CDH13: variants seen among roughly 807,000 people sequenced by gnomAD.
CDH13 encodes cadherin-13.
In CDH13, 24 loss-of-function variants were observed where a neutral mutation model predicts 63.8. The ratio of observed to expected loss-of-function variants is 0.38; its 90% confidence interval spans 0.27 to 0.53. The LOEUF (loss-of-function observed/expected upper bound fraction) is 0.53. Ranked by LOEUF, CDH13 falls within the 20% of genes least tolerant of loss-of-function variation. The pLI, the probability that CDH13 is intolerant of heterozygous loss-of-function variation, is 0.85. For synonymous variants in CDH13, 503 were observed against 355.3 expected (o/e 1.42, Z -4.67); for missense variants, 1,049 against 903.1 (o/e 1.16, Z -2.07).
intron 1 of CDH13, among the ~76,000 whole-genome samples, chr16:82,709,559 A>G (rs576568763): frequency 1.3e-5 from 2 of 152,328 alleles, no homozygotes; most frequent in Admixed American, 6.5e-5. Context: ...AAGTGTGGAT[A>G]ACACTAATAG....
At chr16:82,717,727 C>G (rs2032482055) in intron 1 of CDH13, among the ~76,000 whole-genome samples, 1 of 152,200 alleles carries the variant, frequency 6.6e-6, no homozygotes, top group Non-Finnish European at 1.5e-5. Context: ...AAAATAATCT[C>G]TTCATTTGGA....
intron 2 of CDH13, among the ~76,000 whole-genome samples, chr16:82,896,145 G>A (rs1329798453): frequency 1.3e-5 from 2 of 152,074 alleles, no homozygotes; most frequent in South Asian, 2.1e-4. Context: ...TTTCCCTGTA[G>A]AAGTATAGGC....
At chr16:83,361,098 T>C (rs988355377) in intron 6 of CDH13, among the ~76,000 whole-genome samples, 1 of 152,220 alleles carries the variant, frequency 6.6e-6, no homozygotes, top group African/African-American at 2.4e-5. Context: ...CATCAGCATC[T>C]GTTGCTTTTT....
chr16:83,143,982 C>T (rs375480050), intron 4 of CDH13, among the ~76,000 whole-genome samples: 2 of 152,116 alleles, frequency 1.3e-5, no homozygotes, highest in South Asian at 4.1e-4. Context: ...CTGCTGGTTA[C>T]CAGCTGTTTA....
At chr16:82,948,999 C>G (rs1670799533) in intron 2 of CDH13, among the ~76,000 whole-genome samples, 1 of 152,156 alleles carries the variant, frequency 6.6e-6, no homozygotes, top group African/African-American at 2.4e-5. Context: ...TCTTTCAACT[C>G]TACATTGTGA....
At chr16:82,699,503 C>T (rs114711241) in intron 1 of CDH13, among the ~76,000 whole-genome samples, 86 of 152,352 alleles carry the variant, frequency 5.6e-4, no homozygotes, top group African/African-American at 2.0e-3. Flanking sequence ...CCTTGCTCCA[C>T]TTCATTAACA....
intron 6 of CDH13, among the ~76,000 whole-genome samples, chr16:83,351,518 C>A (rs2090951394): frequency 6.6e-6 from 1 of 152,082 alleles, no homozygotes; most frequent in Non-Finnish European, 1.5e-5. Context: ...AAATCTCTCT[C>A]TTCACTCCTC....
At chr16:82,699,133 C>T (rs1597354122) in intron 1 of CDH13, among the ~76,000 whole-genome samples, 1 of 152,162 alleles carries the variant, frequency 6.6e-6, no homozygotes, top group South Asian at 2.1e-4. Flanking sequence ...AATTGATCTT[C>T]ATAGAAGCCT....
At chr16:83,725,078 A>G (rs953144647) in intron 10 of CDH13, among the ~76,000 whole-genome samples, 1 of 152,224 alleles carries the variant, frequency 6.6e-6, no homozygotes. Context: ...CCCTTTTAGT[A>G]TAAAAGCTAT....
At chr16:82,653,890 A>G (rs1410265807) in intron 1 of CDH13, among the ~76,000 whole-genome samples, 4 of 152,022 alleles carry the variant, frequency 2.6e-5, no homozygotes, top group African/African-American at 9.7e-5. Context: ...CCTGAGAGAG[A>G]AGAGAAGGGG....
chr16:83,571,712 C>G (rs571671756), intron 7 of CDH13, among the ~76,000 whole-genome samples: 32 of 152,262 alleles, frequency 2.1e-4, no homozygotes, highest in Middle Eastern at 6.8e-3. Context: ...TTTTCCTTCT[C>G]AACTGTAATT....
chr16:83,083,876 T>C (rs9926032), intron 3 of CDH13, among the ~76,000 whole-genome samples: 72,511 of 152,078 alleles, frequency 0.48, 17,586 homozygotes, highest in East Asian at 0.69. Flanking sequence ...AGTTATGTTT[T>C]ATTAGGTTGA....
intron 6 of CDH13, among the ~76,000 whole-genome samples, chr16:83,382,344 A>G (rs905198669): frequency 6.6e-6 from 1 of 152,224 alleles, no homozygotes; most frequent in African/African-American, 2.4e-5. Context: ...GTACAATTTA[A>G]TCAGGTAAAT....
chr16:83,108,871 T>A (rs2034916435), intron 3 of CDH13, among the ~76,000 whole-genome samples: 1 of 152,136 alleles, frequency 6.6e-6, no homozygotes, highest in Non-Finnish European at 1.5e-5. Context: ...CCCAGCTCCC[T>A]TGCCCTTCCG....
intron 2 of CDH13, among the ~76,000 whole-genome samples, chr16:83,006,920 G>GTTTTTTTTTTT (rs1388258642): frequency 4.0e-5 from 5 of 125,610 alleles, no homozygotes; most frequent in Non-Finnish European, 7.1e-5. Flanking sequence ...TTGTTTGTTT[G>GTTTTTTTTTTT]TTTGTTTGTT....
chr16:82,979,234 C>T (rs1331497799), intron 2 of CDH13, among the ~76,000 whole-genome samples: 5 of 152,254 alleles, frequency 3.3e-5, no homozygotes, highest in Admixed American at 1.3e-4. Flanking sequence ...GCTTGTAGGC[C>T]TCGTCTCAGA....
chr16:83,610,043 C>G (rs1908714467), intron 8 of CDH13, among the ~76,000 whole-genome samples: 1 of 152,180 alleles, frequency 6.6e-6, no homozygotes, highest in Non-Finnish European at 1.5e-5. Context: ...TTTAGTGTGT[C>G]TTAGTACTTC....
intron 1 of CDH13, among the ~76,000 whole-genome samples, chr16:82,676,462 T>C (rs1036625561): frequency 6.6e-6 from 1 of 150,532 alleles, no homozygotes; most frequent in Non-Finnish European, 1.5e-5. Context: ...ATTGCCAGTA[T>C]CCTAATCTGA....
At chr16:83,139,746 G>A (rs1046311478) in intron 4 of CDH13, among the ~76,000 whole-genome samples, 2 of 152,126 alleles carry the variant, frequency 1.3e-5, no homozygotes, top group Non-Finnish European at 2.9e-5. Context: ...GTTCATGCCT[G>A]TAATCCCAGC....
Sources: gnomAD v4.1 joint callset for allele counts (sites outside exome capture counted in the v4.1 genomes callset) on GRCh38, gnomAD v4.1.1 for gene constraint, MANE v1.5 for transcripts, NCBI Gene and HGNC (gene_info 2026-07-23, HGNC 2026-07-21) for gene names.